CNTNAP2: variants seen among roughly 807,000 people sequenced by gnomAD.
The protein encoded by CNTNAP2 is contactin associated protein 2, also known as contactin-associated protein-like 2.
Under a neutral mutation model 155.2 loss-of-function variants are expected in CNTNAP2, and 98 were observed. That is an observed-to-expected ratio of 0.63 (90% confidence interval 0.54 to 0.75). CNTNAP2 has a LOEUF of 0.75. Ranked by LOEUF, CNTNAP2 falls within the 30% of genes least tolerant of loss-of-function variation. The pLI, the probability that CNTNAP2 is intolerant of heterozygous loss-of-function variation, is 0.00. For synonymous variants in CNTNAP2, 651 were observed against 631.2 expected, an observed-to-expected ratio of 1.03 and a Z score of -0.47; for missense variants, 1,727 against 1,688.1, an observed-to-expected ratio of 1.02 and a Z score of -0.40.
chr7:147,166,406 G>A (rs183158732), intron 8 of CNTNAP2, among the ~76,000 whole-genome samples: 9 of 152,222 alleles, frequency 5.9e-5, no homozygotes, highest in South Asian at 2.1e-4. Flanking sequence ...GATGGGAGGC[G>A]GGTGAGGGAT....
chr7:146,459,037 G>T (rs149606709), intron 1 of CNTNAP2, among the ~76,000 whole-genome samples: 11 of 152,066 alleles, frequency 7.2e-5, no homozygotes, highest in African/African-American at 2.7e-4. Flanking sequence ...AAAACTCTCA[G>T]CACTACTTAA....
intron 15 of CNTNAP2, among the ~76,000 whole-genome samples, chr7:148,020,657 G>A (rs1417503747): frequency 2.0e-5 from 3 of 152,156 alleles, no homozygotes; most frequent in Non-Finnish European, 4.4e-5. Context: ...TCAGTAAAAC[G>A]ATATTTTTTC....
chr7:148,315,678 T>C (rs1035613062), intron 21 of CNTNAP2, among the ~76,000 whole-genome samples: 6 of 152,156 alleles, frequency 3.9e-5, no homozygotes, highest in Non-Finnish European at 8.8e-5. Context: ...ATCAGAAACA[T>C]TTATGGATTA....
At chr7:146,392,782 G>C (rs1584903616) in intron 1 of CNTNAP2, among the ~76,000 whole-genome samples, 1 of 151,730 alleles carries the variant, frequency 6.6e-6, no homozygotes, top group South Asian at 2.1e-4. Flanking sequence ...AGTTTGGGAA[G>C]CGTTGAGATG....
intron 3 of CNTNAP2, among the ~76,000 whole-genome samples, chr7:146,927,563 A>G (rs990761179): frequency 2.0e-5 from 3 of 152,164 alleles, no homozygotes; most frequent in Admixed American, 1.3e-4. Flanking sequence ...AAGATATACA[A>G]TATACAATTT....
chr7:147,397,116 T>C (rs1020773138), intron 10 of CNTNAP2, among the ~76,000 whole-genome samples: 3 of 152,066 alleles, frequency 2.0e-5, no homozygotes, highest in African/African-American at 4.8e-5. Flanking sequence ...CCTTCACATG[T>C]TTATAAGAAG....
At chr7:147,200,945 T>G (rs899982423) in intron 8 of CNTNAP2, among the ~76,000 whole-genome samples, 1 of 152,204 alleles carries the variant, frequency 6.6e-6, no homozygotes, top group Non-Finnish European at 1.5e-5. Flanking sequence ...AATTGAAGTA[T>G]TTTCAACTGA....
At chr7:146,707,682 CTCTG>C (rs1462372655) in intron 1 of CNTNAP2, among the ~76,000 whole-genome samples, 4 of 152,238 alleles carry the variant, frequency 2.6e-5, no homozygotes, top group South Asian at 2.1e-4. Context: ...TCAAGCTTTC[CTCTG>C]TCTATTTCCT....
chr7:148,356,234 G>C (rs1163249035), intron 21 of CNTNAP2, among the ~76,000 whole-genome samples: 1 of 151,014 alleles, frequency 6.6e-6, no homozygotes, highest in South Asian at 2.1e-4. Context: ...ATAAAAAAAA[G>C]ACACAGCATT....
At chr7:148,069,622 T>C (rs1338415936) in intron 15 of CNTNAP2, among the ~76,000 whole-genome samples, 1 of 151,820 alleles carries the variant, frequency 6.6e-6, no homozygotes, top group Non-Finnish European at 1.5e-5. Flanking sequence ...TAGCCGGGCA[T>C]GGTGGCGGGC....
intron 1 of CNTNAP2, among the ~76,000 whole-genome samples, chr7:146,291,023 A>G (rs1245224947): frequency 2.0e-5 from 3 of 152,196 alleles, no homozygotes; most frequent in Non-Finnish European, 2.9e-5. Flanking sequence ...GCCAACTACA[A>G]AATGTTCCAT....
At chr7:146,375,661 C>T (rs991954249) in intron 1 of CNTNAP2, among the ~76,000 whole-genome samples, 1 of 152,116 alleles carries the variant, frequency 6.6e-6, no homozygotes, top group Non-Finnish European at 1.5e-5. Flanking sequence ...TAATGAATAA[C>T]TCTGATTGCT....
At chr7:146,534,772 C>A (rs2129139802) in intron 1 of CNTNAP2, among the ~76,000 whole-genome samples, 1 of 151,814 alleles carries the variant, frequency 6.6e-6, no homozygotes, top group East Asian at 2.0e-4. Context: ...GTCAATACCT[C>A]CTGTCTGTCT....
intron 11 of CNTNAP2, among the ~76,000 whole-genome samples, chr7:147,546,558 A>C (rs1799737516): frequency 6.6e-6 from 1 of 152,224 alleles, no homozygotes; most frequent in Non-Finnish European, 1.5e-5. Flanking sequence ...GAGGATTAAA[A>C]AAAGTAGATA....
chr7:146,917,672 G>T (rs1008026227), intron 3 of CNTNAP2, among the ~76,000 whole-genome samples: 1 of 152,094 alleles, frequency 6.6e-6, no homozygotes, highest in Non-Finnish European at 1.5e-5. Flanking sequence ...GGAGGTAATT[G>T]AATCATGGGG....
intron 13 of CNTNAP2, among the ~76,000 whole-genome samples, 173 bp downstream of exon 13, chr7:147,639,479 G>A (rs1394689769): frequency 6.6e-6 from 1 of 151,836 alleles, no homozygotes; most frequent in Non-Finnish European, 1.5e-5. Context: ...ATGAAGCTAA[G>A]AAAGAATGAT....
intron 14 of CNTNAP2, among the ~76,000 whole-genome samples, chr7:147,921,737 C>A (rs1276906603): frequency 2.0e-5 from 3 of 152,110 alleles, no homozygotes; most frequent in Admixed American, 6.6e-5. Flanking sequence ...CATGTTTATG[C>A]AATATGGGTA....
intron 1 of CNTNAP2, among the ~76,000 whole-genome samples, chr7:146,699,221 G>A (rs1024090423): frequency 2.0e-5 from 3 of 152,124 alleles, no homozygotes; most frequent in Admixed American, 1.3e-4. Flanking sequence ...TAGTGCCTTA[G>A]CCTGAGGTTT....
chr7:146,785,529 A>C (rs539587859), intron 2 of CNTNAP2, among the ~76,000 whole-genome samples: 2 of 152,186 alleles, frequency 1.3e-5, no homozygotes, highest in South Asian at 4.1e-4. Flanking sequence ...TCAAATACTC[A>C]TTGCTTATAT....
Sources: gnomAD v4.1 joint callset for allele counts (sites outside exome capture counted in the v4.1 genomes callset) on GRCh38, gnomAD v4.1.1 for gene constraint, MANE v1.5 for transcripts, NCBI Gene and HGNC (gene_info 2026-07-23, HGNC 2026-07-21) for gene names.